The following ARMC9 variants were observed in gnomAD, a reference collection of about 807,000 sequenced individuals.
ARMC9 encodes the protein armadillo repeat containing 9.
ARMC9 carries 94 observed loss-of-function variants against 107.0 expected under a neutral mutation model. The observed-to-expected ratio is 0.88, with a 90% CI of 0.74 to 1.04. The LOEUF is 1.04. Ranked by LOEUF, ARMC9 falls within the 50% of genes least tolerant of loss-of-function variation. The pLI is 0.00. For missense variants in ARMC9, 942 were observed against 1,030.1 expected (o/e 0.91, Z 1.17); for synonymous variants, 380 against 396.9 (o/e 0.96, Z 0.51).
At chr2:231,228,818 A>G (rs1193863028) in intron 7 of ARMC9, among the ~76,000 whole-genome samples, 1 of 152,060 alleles carries the variant, frequency 6.6e-6, no homozygotes, top group African/African-American at 2.4e-5. Flanking sequence ...CCCCCAGGCA[A>G]TGGGGGCAGG....
intron 1 of ARMC9, among the ~76,000 whole-genome samples, chr2:231,202,319 C>CTT (rs745728209): frequency 0.012 from 1,435 of 123,856 alleles, 20 homozygotes; most frequent in Non-Finnish European, 0.02. Context: ...TCTTGTTTCA[C>CTT]TTTTTTTTTT....
At chr2:231,339,145 T>G (rs1309362589) in intron 20 of ARMC9, among the ~76,000 whole-genome samples, 1 of 151,882 alleles carries the variant, frequency 6.6e-6, no homozygotes, top group Non-Finnish European at 1.5e-5. Context: ...CTGGCCAACA[T>G]GGTGAAACTC....
chr2:231,299,996 A>T (rs903364061), intron 19 of ARMC9, among the ~76,000 whole-genome samples: 1 of 152,192 alleles, frequency 6.6e-6, no homozygotes, highest in East Asian at 1.9e-4. Context: ...TATGAAACAG[A>T]CGTAATATGT....
intron 19 of ARMC9, among the ~76,000 whole-genome samples, chr2:231,303,666 G>A (rs78781761): frequency 0.013 from 2,032 of 152,208 alleles, 22 homozygotes; most frequent in East Asian, 0.057. Context: ...GACCAGGTGC[G>A]GTGGCTCATG....
At chr2:231,270,571 C>G (rs2039237177) in intron 12 of ARMC9, 5 of 468,784 alleles carry the variant, frequency 1.1e-5, no homozygotes, top group South Asian at 6.3e-5. Flanking sequence ...GTTTCTCGTG[C>G]TGTTCTCTCT....
chr2:231,350,634 AAG>A (rs71841207), intron 21 of ARMC9, among the ~76,000 whole-genome samples: 15,512 of 146,828 alleles, frequency 0.11, 1,805 homozygotes, highest in African/African-American at 0.31. Context: ...AAAAAAAAAA[AAG>A]AAAAAGAAAA....
At chr2:231,200,632 C>G (rs1301348974) in intron 1 of ARMC9, among the ~76,000 whole-genome samples, 1 of 152,154 alleles carries the variant, frequency 6.6e-6, no homozygotes, top group African/African-American at 2.4e-5. Context: ...CAGATTGCAC[C>G]TTTGCACTCC....
chr2:231,249,882 C>T (rs1171318821), intron 9 of ARMC9, among the ~76,000 whole-genome samples: 1 of 51,052 alleles, frequency 2.0e-5, no homozygotes, highest in Non-Finnish European at 3.4e-5. Flanking sequence ...ACCGCCCACC[C>T]GTGCACACCT....
At chr2:231,206,171 C>T (rs2031957979) in intron 1 of ARMC9, 27 bp from the exon 2 acceptor site, 3 of 1,362,350 alleles carry the variant, frequency 2.2e-6, no homozygotes, top group Non-Finnish European at 3.2e-6. Flanking sequence ...GAAATGAAAG[C>T]TGTTGTCTTG....
intron 20 of ARMC9, among the ~76,000 whole-genome samples, chr2:231,339,854 A>ACC: frequency 6.6e-6 from 1 of 152,274 alleles, no homozygotes; most frequent in South Asian, 2.1e-4. Context: ...AATCGCTTGA[A>ACC]CCCAGGAGGC....
chr2:231,210,809 A>G (rs777187422), intron 3 of ARMC9, among the ~76,000 whole-genome samples: 2 of 152,226 alleles, frequency 1.3e-5, no homozygotes, highest in Non-Finnish European at 2.9e-5. Context: ...TCTTATGTGT[A>G]CAGTTCAGTA....
At chr2:231,338,994 A>G (rs1458639277) in intron 20 of ARMC9, among the ~76,000 whole-genome samples, 1 of 152,196 alleles carries the variant, frequency 6.6e-6, no homozygotes, top group Admixed American at 6.5e-5. Context: ...TTGGCCTCAC[A>G]TTTAGTTCAT....
Position 231,296,207 on chromosome 2 carries a change from C to G in ARMC9, c.1727C>G (p.Pro576Arg). The change falls in exon 19 of 25, where the codon CCA (proline) becomes CGA (arginine). Residue 576 changes from proline (P) to arginine (R), a missense_variant. Physicochemically the swap from Pro to Arg is moderately radical, Grantham distance 103 (BLOSUM62 -2). Transcript: ENST00000611582. ...CTTTTTTTCTTTATAGAAGAGCTACCAGATGGTGTTCTTGAATCTGATGAT... is the reference window on the plus strand; with the variant it reads ...CTTTTTTTCTTTATAGAAGAGCTACGAGATGGTGTTCTTGAATCTGATGAT... ...IIKQLNSEEL[P>R]DGVLESDDDE... 2 of 1,612,362 alleles carry G rather than the reference C, an allele frequency of 1.2e-6. No homozygotes were observed. Among genetic ancestry groups the G allele is most frequent in the South Asian group, 1.1e-5 (1 of 90,810 alleles).
intron 21 of ARMC9, among the ~76,000 whole-genome samples, chr2:231,346,594 C>T (rs1392615353): frequency 2.0e-5 from 3 of 152,166 alleles, no homozygotes; most frequent in Non-Finnish European, 2.9e-5. Context: ...CTCTCTCTTG[C>T]TCTCCTTCTA....
At chr2:231,330,223 TTCTTTC>T (rs1359849432) in intron 19 of ARMC9, among the ~76,000 whole-genome samples, 1 of 110,368 alleles carries the variant, frequency 9.1e-6, no homozygotes, top group Non-Finnish European at 1.8e-5. Flanking sequence ...AATTTTCTTT[TTCTTTC>T]TTTTTTTTTT....
At chr2:231,335,976 G>A (rs1322087101) in intron 20 of ARMC9, among the ~76,000 whole-genome samples, 6 of 152,042 alleles carry the variant, frequency 3.9e-5, no homozygotes, top group Non-Finnish European at 8.8e-5. Context: ...CTATTCAGGA[G>A]GCTGAGGTGG....
intron 19 of ARMC9, among the ~76,000 whole-genome samples, chr2:231,308,363 G>A (rs1323712271): frequency 6.6e-6 from 1 of 152,218 alleles, no homozygotes; most frequent in Non-Finnish European, 1.5e-5. Flanking sequence ...TCCCAAGGCA[G>A]TAGCTGGTGG....
intron 21 of ARMC9, among the ~76,000 whole-genome samples, chr2:231,355,452 A>G (rs1455490966): frequency 2.6e-5 from 4 of 152,218 alleles, no homozygotes; most frequent in East Asian, 1.9e-4. Context: ...CATCTGCTTC[A>G]TCCTTGGAGA....
chr2:231,324,520 G>C (rs551200097), intron 19 of ARMC9, among the ~76,000 whole-genome samples: 100 of 150,964 alleles, frequency 6.6e-4, no homozygotes, highest in Non-Finnish European at 1.2e-3. Context: ...GGGAGGCCAA[G>C]GTGGGCAGAT....
Sources: gnomAD v4.1 joint callset for allele counts (sites outside exome capture counted in the v4.1 genomes callset) on GRCh38, gnomAD v4.1.1 for gene constraint, MANE v1.5 for transcripts, NCBI Gene and HGNC (gene_info 2026-07-23, HGNC 2026-07-21) for gene names.